Variants in SMYD3 observed in about 807,000 individuals in gnomAD.
SMYD3 encodes SET and MYND domain containing 3.
In SMYD3, 36 loss-of-function variants were observed where a neutral mutation model predicts 57.7. That is an observed-to-expected ratio of 0.62 (90% confidence interval 0.48 to 0.82). The LOEUF (loss-of-function observed/expected upper bound fraction) is 0.82. Among genes scored for constraint, SMYD3 ranks in the 40% least tolerant of loss-of-function variants. The probability of loss-of-function intolerance (pLI) is 0.00; values close to 1 mark genes in which losing one functional copy is unlikely to be tolerated. For missense variants in SMYD3, 515 were observed against 538.8 expected, an observed-to-expected ratio of 0.96 and a Z score of 0.44; for synonymous variants, 211 against 195.0, an observed-to-expected ratio of 1.08 and a Z score of -0.68.
chr1:246,501,213 C>T (rs1223684657), intron 1 of SMYD3, among the ~76,000 whole-genome samples: 1 of 152,224 alleles, frequency 6.6e-6, no homozygotes, highest in East Asian at 1.9e-4. Flanking sequence ...CGTCTTTTTA[C>T]ATTATTTTCA....
chr1:246,404,479 T>C (rs2066826268), intron 1 of SMYD3, among the ~76,000 whole-genome samples: 1 of 152,226 alleles, frequency 6.6e-6, no homozygotes, highest in South Asian at 2.1e-4. Flanking sequence ...GAGGCCTCCA[T>C]ATCCAAAAAG....
chr1:246,376,366 G>A (rs543818245), intron 1 of SMYD3, among the ~76,000 whole-genome samples: 13 of 151,836 alleles, frequency 8.6e-5, no homozygotes, highest in South Asian at 2.1e-4. Context: ...CGAGGTGAGC[G>A]GATCACCTGA....
chr1:245,824,362 A>G (rs2049350950), intron 10 of SMYD3, among the ~76,000 whole-genome samples: 1 of 152,240 alleles, frequency 6.6e-6, no homozygotes, highest in African/African-American at 2.4e-5. Context: ...ATTGGATGAA[A>G]CGACACATGA....
At chr1:246,493,452 AACTT>A (rs1400772722) in intron 1 of SMYD3, among the ~76,000 whole-genome samples, 4 of 152,196 alleles carry the variant, frequency 2.6e-5, no homozygotes, top group Non-Finnish European at 5.9e-5. Flanking sequence ...GACTCAGATT[AACTT>A]ACTTACCCTA....
intron 5 of SMYD3, among the ~76,000 whole-genome samples, chr1:245,948,875 C>T (rs2057516537): frequency 6.6e-6 from 1 of 152,220 alleles, no homozygotes; most frequent in Non-Finnish European, 1.5e-5. Flanking sequence ...GGCCCAGTTC[C>T]ACCAGCCCCA....
At position 245,836,704 on chromosome 1, in the gene SMYD3, A is replaced by G. The variant is rs77639297; in HGVS notation, c.1076+21792T>C. Among the ~76,000 whole-genome samples, 525 of 152,270 alleles carry G rather than the reference A, an allele frequency of 3.4e-3. 3 individuals carry two copies. Among genetic ancestry groups the G allele is most frequent in the African/African-American group, 0.012 (493 of 41,544 alleles). On this transcript the variant is annotated intron_variant, in intron 10 of 11. Transcript: ENST00000490107. ...AGGAAGTAGAACTCAGAGAGCACTC[A>G]CTGGCAGCAGGGGACTGGTCCTACA... is the stretch of plus-strand genomic sequence containing the variant.
At chr1:245,785,010 C>T (rs1190442762) in intron 10 of SMYD3, among the ~76,000 whole-genome samples, 4 of 151,612 alleles carry the variant, frequency 2.6e-5, no homozygotes, top group African/African-American at 7.3e-5. Context: ...CCATCGTGCC[C>T]AGCTAATTGT....
chr1:246,270,837 A>G (rs1023939559), intron 5 of SMYD3, among the ~76,000 whole-genome samples: 9 of 152,202 alleles, frequency 5.9e-5, no homozygotes, highest in African/African-American at 2.2e-4. Context: ...CATACACATA[A>G]ATGGAATTGC....
intron 7 of SMYD3, among the ~76,000 whole-genome samples, chr1:245,924,715 T>C (rs1326968065): frequency 1.4e-5 from 2 of 141,246 alleles, no homozygotes; most frequent in South Asian, 2.3e-4. Context: ...CAGGCTGGAG[T>C]GCAATGGTGC....
chr1:246,313,945 G>A (rs2065118953), intron 5 of SMYD3, among the ~76,000 whole-genome samples: 1 of 152,114 alleles, frequency 6.6e-6, no homozygotes, highest in African/African-American at 2.4e-5. Context: ...GTTTTAATAT[G>A]CAGTACTAAA....
intron 1 of SMYD3, among the ~76,000 whole-genome samples, chr1:246,443,448 G>A (rs1463626505): frequency 6.6e-6 from 1 of 152,224 alleles, no homozygotes; most frequent in Non-Finnish European, 1.5e-5. Flanking sequence ...TTAAGAAGCA[G>A]CCTCTCAGAA....
intron 5 of SMYD3, among the ~76,000 whole-genome samples, chr1:245,975,915 A>G (rs61839385): frequency 0.39 from 51 of 130 alleles, 25 homozygotes; most frequent in Admixed American, 0.61. Flanking sequence ...GAAAGCCATC[A>G]TCTCTAGCCT....
chr1:246,470,874 A>G (rs937793857), intron 1 of SMYD3, among the ~76,000 whole-genome samples: 2 of 152,200 alleles, frequency 1.3e-5, no homozygotes. Context: ...GAATGGTTAT[A>G]TAAGAGAATA....
In SMYD3 at chr1:246,342,608, T is replaced by C. The variant is rs560357793; in HGVS notation, c.229-7134A>G. 7.6e-4 allele frequency among the ~76,000 whole-genome samples: 116 copies of C among 152,326 alleles called. 1 individual carries two copies. Among genetic ancestry groups the C allele is most frequent in the African/African-American group, 2.6e-3 (110 of 41,572 alleles). On this transcript the variant is annotated intron_variant, in intron 2 of 11. Coordinates refer to ENST00000490107, the MANE Select transcript of SMYD3 (RefSeq NM_001167740.2). Reference sequence around the variant, plus strand: ...TTTAGAGCACACTAGAGATTAGTGATAGATATGAGACTTCTCACTTTAAAA... The same window carrying C: ...TTTAGAGCACACTAGAGATTAGTGACAGATATGAGACTTCTCACTTTAAAA...
Position 246,105,139 on chromosome 1 carries a change from G to A in SMYD3, c.532-175202C>T, listed in dbSNP as rs111771484. Among the ~76,000 whole-genome samples the A allele has an allele frequency of 9.9e-5, 15 of 152,246 alleles. 1 individual carries two copies. The highest frequency in any genetic ancestry group is 2.6e-4 in the African/African-American group (11 of 41,552). Reference sequence around the variant, plus strand: ...AGGCCAAGATGATGACACATCACCCGATGGGGGATGAGGAAGCCGATCAGA... The same window carrying A: ...AGGCCAAGATGATGACACATCACCCAATGGGGGATGAGGAAGCCGATCAGA... On this transcript the variant is annotated intron_variant, in intron 5 of 11. Transcript: ENST00000490107.
At chr1:246,100,761 T>C (rs2060995059) in intron 5 of SMYD3, among the ~76,000 whole-genome samples, 1 of 152,130 alleles carries the variant, frequency 6.6e-6, no homozygotes, top group Admixed American at 6.5e-5. Context: ...CAGAGGACGA[T>C]CCACAGCAAA....
intron 8 of SMYD3, among the ~76,000 whole-genome samples, chr1:245,882,846 T>C (rs1235363945): frequency 6.6e-6 from 1 of 151,858 alleles, no homozygotes; most frequent in Non-Finnish European, 1.5e-5. Flanking sequence ...ATGGCAGGAG[T>C]AGTAATTTTC....
At chr1:246,282,489 G>C (rs1213974076) in intron 5 of SMYD3, among the ~76,000 whole-genome samples, 3 of 151,142 alleles carry the variant, frequency 2.0e-5, no homozygotes, top group African/African-American at 7.3e-5. Context: ...CTAGGCAACA[G>C]GGCAAGACCC....
chr1:246,195,631 A>ACG (rs2062820103), intron 5 of SMYD3, among the ~76,000 whole-genome samples: 2 of 152,220 alleles, frequency 1.3e-5, no homozygotes, highest in East Asian at 3.9e-4. Context: ...ACACACACAC[A>ACG]CGCACTGAAA....
Sources: allele counts gnomAD v4.1 joint callset (sites outside exome capture counted in the v4.1 genomes callset), GRCh38; gene constraint gnomAD v4.1.1; transcripts MANE v1.5; gene names NCBI Gene and HGNC (gene_info 2026-07-23, HGNC 2026-07-21).